The following EZH2 variants were observed in gnomAD, a reference collection of about 807,000 sequenced individuals.
The protein encoded by EZH2 is enhancer of zeste 2 polycomb repressive complex 2 subunit.
In EZH2, 18 loss-of-function variants were observed where a neutral mutation model predicts 98.4. The ratio of observed to expected loss-of-function variants is 0.18; its 90% confidence interval spans 0.13 to 0.27. EZH2 has a LOEUF of 0.27. EZH2 is among the 10% of genes least tolerant of loss of function. The pLI is 1.00. For missense variants in EZH2, 470 were observed against 935.1 expected, an observed-to-expected ratio of 0.50 and a Z score of 6.49; for synonymous variants, 338 against 312.3, an observed-to-expected ratio of 1.08 and a Z score of -0.87.
chr7:148,809,306 C>G lies in EZH2; in HGVS notation c.2110+4G>C. The G allele has an allele frequency of 6.2e-7, 1 of 1,600,324 alleles. No homozygotes were observed. Among genetic ancestry groups the G allele is most frequent in the Non-Finnish European group, 8.6e-7 (1 of 1,168,100 alleles). On this transcript the variant is annotated splice_donor_region_variant and intron_variant, in intron 18 of 19. Transcript: ENST00000320356. Reference sequence around the variant, plus strand: ...GTTCCAATTCTCACGTCAAAGGTACCTACCTTTTGCATAGCAGTTTGGATT... The same window carrying G: ...GTTCCAATTCTCACGTCAAAGGTACGTACCTTTTGCATAGCAGTTTGGATT...
At chr7:148,852,124 A>G (rs763813605) in intron 1 of EZH2, among the ~76,000 whole-genome samples, 8 of 152,348 alleles carry the variant, frequency 5.3e-5, no homozygotes, top group Middle Eastern at 6.8e-3. Flanking sequence ...AGTGAAACCA[A>G]AACAACAATG....
chr7:148,846,517 G>A lies in EZH2; in HGVS notation c.199C>T (p.Pro67Ser), dbSNP rs1814079541. The A allele has an allele frequency of 6.2e-7, 1 of 1,613,886 alleles. No individual in the cohort carries two copies. The highest frequency in any genetic ancestry group is 8.5e-7 in the Non-Finnish European group (1 of 1,179,898). Residue 67 changes from proline to serine, a missense_variant, in exon 3 of 20, where the codon CCT becomes TCT. Coordinates refer to ENST00000320356, the MANE Select transcript of EZH2 (RefSeq NM_004456.5). ...NQEWKQRRIQ[P>S]VHILTSVSSL... ...CTCACAGAAGTCAGGATGTGCACAG[G>A]CTGTATCCTTCGCTGTTTCCATTCT...
At chr7:148,880,064 T>C (rs1269055337) in intron 1 of EZH2, among the ~76,000 whole-genome samples, 1 of 152,246 alleles carries the variant, frequency 6.6e-6, no homozygotes, top group Non-Finnish European at 1.5e-5. Context: ...AGCTATGATC[T>C]TGTTCTGTCT....
intron 1 of EZH2, among the ~76,000 whole-genome samples, chr7:148,860,087 A>G (rs949122201): frequency 6.6e-6 from 1 of 152,344 alleles, no homozygotes; most frequent in Admixed American, 6.5e-5. Flanking sequence ...GGTTTTAACA[A>G]AATCTCATCC....
rs1803370902 is a variant in EZH2, at chr7:148,812,491, T to G, written c.1852-771A>C. ...TTCCTATTCTGGACCATCTTACCAC[T>G]CACCTGTCATGTGAACTTCCCAAAT... On this transcript the variant is annotated intron_variant, in intron 15 of 19. Coordinates refer to ENST00000320356, the MANE Select transcript of EZH2 (RefSeq NM_004456.5). 3.9e-5 allele frequency among the ~76,000 whole-genome samples: 6 copies of G among 152,282 alleles called. No homozygotes were observed. In the South Asian group the frequency reaches 1.2e-3, roughly 32 times the overall value.
intron 3 of EZH2, among the ~76,000 whole-genome samples, chr7:148,839,413 A>G (rs1463570097): frequency 6.6e-6 from 1 of 152,106 alleles, no homozygotes; most frequent in South Asian, 2.1e-4. Context: ...TAAAGGAAAG[A>G]TAGGTAGATA....
At chr7:148,822,217 A>G (rs1200847930) in intron 8 of EZH2, among the ~76,000 whole-genome samples, 1 of 152,248 alleles carries the variant, frequency 6.6e-6, no homozygotes, top group East Asian at 1.9e-4. Flanking sequence ...TTTTTAAAAA[A>G]TGTTTAAACT....
At position 148,884,177 on chromosome 7, in the gene EZH2, G is replaced by T; in HGVS notation, c.-21C>A. 1 of 161,818 alleles carries T rather than the reference G, an allele frequency of 6.2e-6. No homozygotes were observed. The highest frequency in any genetic ancestry group is 1.4e-5 in the Non-Finnish European group (1 of 73,780). The allele number at this position is 161,818 out of a possible 1,614,324, so 10.0% of individuals were successfully genotyped here. A position where few individuals can be genotyped will look rare whatever the true frequency, so the allele number is the denominator to read the frequency against. On this transcript the variant is annotated 5_prime_UTR_variant, in exon 1 of 20. Coordinates refer to ENST00000320356, the MANE Select transcript of EZH2 (RefSeq NM_004456.5). The stretch of plus-strand genomic sequence containing the variant: ...GCGGCGCGTTACCTTCGTCCCGCGC[G>T]CCGACTCGCGTTGTTCCCGCGCGTC...
intron 5 of EZH2, among the ~76,000 whole-genome samples, 157 bp downstream of exon 5, chr7:148,829,571 G>T (rs565951191): frequency 6.6e-6 from 1 of 152,202 alleles, no homozygotes; most frequent in South Asian, 2.1e-4. Context: ...GGAAAATACT[G>T]AAAATCTTAG....
chr7:148,817,190 T>C, intron 11 of EZH2, 32 bp downstream of exon 11: 1 of 1,590,006 alleles, frequency 6.3e-7, no homozygotes, highest in Non-Finnish European at 8.6e-7. Flanking sequence ...TGTTTGAAGC[T>C]CTTTTAACAA....
chr7:148,828,677 T>G (rs1168596878), intron 6 of EZH2, 63 bp downstream of exon 6: 2 of 1,553,396 alleles, frequency 1.3e-6, no homozygotes, highest in Non-Finnish European at 1.7e-6. Flanking sequence ...CTATTTCTAC[T>G]CTTTCTACTG....
At chr7:148,838,421 C>T (rs1811472365) in intron 3 of EZH2, among the ~76,000 whole-genome samples, 1 of 152,006 alleles carries the variant, frequency 6.6e-6, no homozygotes, top group Non-Finnish European at 1.5e-5. Context: ...TAAATCATTC[C>T]CTCATCTGCA....
intron 19 of EZH2, among the ~76,000 whole-genome samples, 177 bp from the exon 20 acceptor site, chr7:148,807,883 G>A (rs933820121): frequency 7.3e-5 from 11 of 150,988 alleles, no homozygotes; most frequent in African/African-American, 2.7e-4. Context: ...TTCATAGAAG[G>A]CAATGCATAG....
At chr7:148,843,564 A>G (rs1813056081) in intron 3 of EZH2, among the ~76,000 whole-genome samples, 2 of 149,020 alleles carry the variant, frequency 1.3e-5, no homozygotes, top group Admixed American at 6.7e-5. Flanking sequence ...CACTTCTACA[A>G]CTACAAATGG....
intron 19 of EZH2, 86 bp from the exon 20 acceptor site, chr7:148,807,792 A>T (rs1002278700): frequency 6.6e-5 from 40 of 606,678 alleles, no homozygotes; most frequent in Middle Eastern, 2.6e-4. Context: ...TGCTGAAGAT[A>T]GTGGGTGCAT....
intron 1 of EZH2, among the ~76,000 whole-genome samples, chr7:148,855,520 C>T (rs1398553234): frequency 6.6e-6 from 1 of 152,180 alleles, no homozygotes; most frequent in African/African-American, 2.4e-5. Flanking sequence ...AGAGCCTCCA[C>T]CTCAGAGTCA....
chr7:148,826,987 C>T (rs1018041190), intron 7 of EZH2, among the ~76,000 whole-genome samples, 177 bp downstream of exon 7: 2 of 152,096 alleles, frequency 1.3e-5, no homozygotes, highest in African/African-American at 2.4e-5. Context: ...ATTCTATCTA[C>T]AGGAAATATT....
At chr7:148,847,098 T>C (rs887061159) in intron 2 of EZH2, 84 bp downstream of exon 2, 1 of 1,481,812 alleles carries the variant, frequency 6.7e-7, no homozygotes, top group African/African-American at 1.4e-5. Context: ...CTAGAATTAT[T>C]TTAAATAAAA....
chr7:148,883,717 G>C (rs80052686), intron 1 of EZH2, among the ~76,000 whole-genome samples: 26,413 of 151,592 alleles, frequency 0.17, 2,421 homozygotes, highest in East Asian at 0.25. Context: ...GTGCGGACTC[G>C]GCGGCTGGGT....
Sources: gnomAD v4.1 joint callset for allele counts (sites outside exome capture counted in the v4.1 genomes callset) on GRCh38, gnomAD v4.1.1 for gene constraint, MANE v1.5 for transcripts, NCBI Gene and HGNC (gene_info 2026-07-23, HGNC 2026-07-21) for gene names.